PCDHGA12: variants seen among roughly 807,000 people sequenced by gnomAD.
PCDHGA12 encodes protocadherin gamma-A12.
PCDHGA12 carries 43 observed loss-of-function variants against 61.1 expected under a neutral mutation model. The observed-to-expected ratio is 0.70, with a 90% CI of 0.55 to 0.91. The LOEUF (loss-of-function observed/expected upper bound fraction) is 0.91, where lower values mean the gene tolerates loss of function less well. Among genes scored for constraint, PCDHGA12 ranks in the 40% least tolerant of loss-of-function variants. PCDHGA12 has a pLI of 0.00. For synonymous variants in PCDHGA12, 520 were observed against 542.9 expected (o/e 0.96, Z 0.59); for missense variants, 1,236 against 1,227.7 (o/e 1.01, Z -0.10).
At chr5:141,484,399 CCGCTGTGTCT>C (rs1488164183) in intron 1 of PCDHGA12, among the ~76,000 whole-genome samples, 4 of 152,186 alleles carry the variant, frequency 2.6e-5, no homozygotes, top group Non-Finnish European at 4.4e-5. Context: ...GGTTTGGTTT[CCGCTGTGTCT>C]CCTGTTACAA....
chr5:141,439,458 C>T (rs2098114160), intron 1 of PCDHGA12, among the ~76,000 whole-genome samples: 1 of 152,214 alleles, frequency 6.6e-6, no homozygotes, highest in East Asian at 1.9e-4. Flanking sequence ...AGCAAGACTG[C>T]ACTGCTGCCT....
At chr5:141,467,360 C>T (rs965838962) in intron 1 of PCDHGA12, among the ~76,000 whole-genome samples, 3 of 152,010 alleles carry the variant, frequency 2.0e-5, no homozygotes, top group Non-Finnish European at 4.4e-5. Context: ...GCCAAATCAA[C>T]GTTTTCTTAT....
In PCDHGA12 at chr5:141,471,102, G is replaced by A. The variant is rs922174682; in HGVS notation, c.2425-23705G>A. 3.4e-5 allele frequency among the ~76,000 whole-genome samples: 5 copies of A among 146,522 alleles called. No individual in the cohort carries two copies. The Admixed American group carries it at 3.5e-4, about 10-fold the overall frequency. On this transcript the variant is annotated intron_variant, in intron 1 of 3. Coordinates refer to ENST00000252085, the MANE Select transcript of PCDHGA12 (RefSeq NM_003735.3). ...CTCCCTCTGTTGTCCAGGCTAGAGTGCAGTGGTGCGATCTTACCTTCACTG... is the reference window on the plus strand; with the variant it reads ...CTCCCTCTGTTGTCCAGGCTAGAGTACAGTGGTGCGATCTTACCTTCACTG...
Position 141,477,964 on chromosome 5 carries a change from G to T in PCDHGA12, c.2425-16843G>T, listed in dbSNP as rs2099426491. On this transcript the variant is annotated intron_variant, in intron 1 of 3. Coordinates refer to ENST00000252085, the MANE Select transcript of PCDHGA12 (RefSeq NM_003735.3). The surrounding 1 kb of genome is among the most constrained non-coding windows in gnomAD (Gnocchi z 4.9). Reference sequence around the variant, plus strand: ...ACAGTCTCTTGGGATCCCCTAACCAGAGCCTTTTTGCCATAGGGCTGCACA... The same window carrying T: ...ACAGTCTCTTGGGATCCCCTAACCATAGCCTTTTTGCCATAGGGCTGCACA... 6.2e-7 allele frequency: 1 copy of T among 1,613,978 alleles called. No homozygotes were observed. The highest frequency in any genetic ancestry group is 1.1e-5 in the South Asian group (1 of 91,080).
intron 1 of PCDHGA12, among the ~76,000 whole-genome samples, chr5:141,466,637 A>G (rs944728391): frequency 1.1e-4 from 16 of 152,234 alleles, no homozygotes; most frequent in Admixed American, 8.5e-4. Flanking sequence ...CATTGTCTCC[A>G]TAAACTTTTC....
chr5:141,502,629 G>A (rs1368174848), intron 2 of PCDHGA12, among the ~76,000 whole-genome samples: 1 of 152,096 alleles, frequency 6.6e-6, no homozygotes, highest in Non-Finnish European at 1.5e-5. Context: ...GTAATCTGTG[G>A]ATGATACTTT....
intron 1 of PCDHGA12, among the ~76,000 whole-genome samples, chr5:141,436,122 C>T (rs909678739): frequency 4.6e-5 from 7 of 152,128 alleles, no homozygotes; most frequent in African/African-American, 7.2e-5. Flanking sequence ...AACCTCTCTC[C>T]TCCATCATCT....
rs1259021130 is a variant in PCDHGA12 at position 141,485,083 on chromosome 5, G to C, written c.2425-9724G>C. ...GCGCCAGAGCTGGCGCGGGGAAAGG[G>C]AGATAGGTGTCTCCAGCTGCTGTGG... On this transcript the variant is annotated intron_variant, in intron 1 of 3. Coordinates refer to ENST00000252085, the MANE Select transcript of PCDHGA12 (RefSeq NM_003735.3). The surrounding 1 kb of genome is among the most constrained non-coding windows in gnomAD (Gnocchi z 5.7). The C allele has an allele frequency of 1.0e-6, 1 of 989,386 alleles. No homozygotes were observed. The highest frequency in any genetic ancestry group is 1.6e-5 in the African/African-American group (1 of 61,992). 61.3% of individuals were successfully genotyped at this position (989,386 alleles called of 1,614,324 possible).
intron 3 of PCDHGA12, among the ~76,000 whole-genome samples, chr5:141,508,841 C>A (rs969875150): frequency 6.6e-6 from 1 of 152,140 alleles, no homozygotes; most frequent in East Asian, 1.9e-4. Context: ...TCCCCTACCC[C>A]TTCCATTCCC....
Position 141,485,465 on chromosome 5 carries a change from C to T in PCDHGA12, c.2425-9342C>T. ...AATCGACCGAGAGGCACTGTGTGGG[C>T]TCAGTGCCAGCTGCATCGTGCCCCT... On this transcript the variant is annotated intron_variant, in intron 1 of 3. Coordinates refer to ENST00000252085, the MANE Select transcript of PCDHGA12 (RefSeq NM_003735.3). This position sits in a 1 kb window ranked among gnomAD's most constrained non-coding sequence, Gnocchi z 5.7. 6.2e-7 allele frequency: 1 copy of T among 1,614,162 alleles called. No homozygotes were observed.
Position 141,486,515 on chromosome 5 carries a change from G to A in PCDHGA12, c.2425-8292G>A. ...AACTATTTTCCTCAATATTTCAGAT[G>A]TGAATGATAATCCACCCTCTTTCTT... On this transcript the variant is annotated intron_variant, in intron 1 of 3. Transcript: ENST00000252085. This position sits in a 1 kb window ranked among gnomAD's most constrained non-coding sequence, Gnocchi z 5.0. 1 of 1,614,172 alleles carries A rather than the reference G, an allele frequency of 6.2e-7. No individual in the cohort carries two copies. The highest frequency in any genetic ancestry group is 8.5e-7 in the Non-Finnish European group (1 of 1,180,026).
At chr5:141,457,469 AG>A (rs1170841505) in intron 1 of PCDHGA12, among the ~76,000 whole-genome samples, 1 of 152,226 alleles carries the variant, frequency 6.6e-6, no homozygotes, top group Non-Finnish European at 1.5e-5. Context: ...CACAGGAATA[AG>A]CAGGGCCAGG....
intron 1 of PCDHGA12, among the ~76,000 whole-genome samples, chr5:141,455,580 T>C (rs572453788): frequency 6.6e-6 from 1 of 152,142 alleles, no homozygotes; most frequent in East Asian, 1.9e-4. Flanking sequence ...ACCCCAGCCT[T>C]TTAATATGCA....
chr5:141,442,131 A>T, intron 1 of PCDHGA12: 1 of 165,118 alleles, frequency 6.1e-6, no homozygotes, highest in Non-Finnish European at 1.3e-5. Context: ...GACAGCCTGC[A>T]GGAGACTCTG....
intron 2 of PCDHGA12, among the ~76,000 whole-genome samples, chr5:141,500,985 C>T (rs2099804537): frequency 6.6e-6 from 1 of 152,048 alleles, no homozygotes; most frequent in Non-Finnish European, 1.5e-5. Flanking sequence ...TCTCCTGCCT[C>T]AGCCTCCTGA....
chr5:141,482,752 T>C (rs1361016909), intron 1 of PCDHGA12, among the ~76,000 whole-genome samples: 1 of 127,096 alleles, frequency 7.9e-6, no homozygotes, highest in Non-Finnish European at 1.6e-5. Context: ...AGAGGGATTA[T>C]GGTATTTCAT....
chr5:141,460,275 A>G (rs2154566824), intron 1 of PCDHGA12, among the ~76,000 whole-genome samples: 1 of 152,098 alleles, frequency 6.6e-6, no homozygotes, highest in East Asian at 1.9e-4. Context: ...TTTTTCTTTT[A>G]TAGTTTGTAT....
rs1385408442 is a variant in PCDHGA12 at position 141,487,321 on chromosome 5, T to A, written c.2425-7486T>A. 1 of 1,614,198 alleles carries A rather than the reference T, an allele frequency of 6.2e-7. No homozygotes were observed. The highest frequency in any genetic ancestry group is 1.7e-5 in the Admixed American group (1 of 60,032). ...TCGTGGCACTACTCTCTAAGTGTCT[T>A]CGTGGGGCAGCCTGTGGAGTCACAT... is the stretch of plus-strand genomic sequence containing the variant. On this transcript the variant is annotated intron_variant, in intron 1 of 3. Transcript: ENST00000252085. This position sits in a 1 kb window ranked among gnomAD's most constrained non-coding sequence, Gnocchi z 5.0.
chr5:141,444,325 C>G (rs2098432231), intron 1 of PCDHGA12, among the ~76,000 whole-genome samples: 1 of 151,840 alleles, frequency 6.6e-6, no homozygotes, highest in Non-Finnish European at 1.5e-5. Flanking sequence ...GCATGTGCCA[C>G]CACGCCCAGC....
Sources: allele counts gnomAD v4.1 joint callset (sites outside exome capture counted in the v4.1 genomes callset), GRCh38; gene constraint gnomAD v4.1.1; non-coding constraint Gnocchi (gnomAD v3.1); transcripts MANE v1.5; gene names NCBI Gene and HGNC (gene_info 2026-07-23, HGNC 2026-07-21).